CR1: variants seen among roughly 807,000 people sequenced by gnomAD.
CR1 encodes the protein complement receptor type 1.
A neutral mutation model predicts 187.3 loss-of-function variants in CR1; 116 were observed. The ratio of observed to expected loss-of-function variants is 0.62; its 90% confidence interval spans 0.53 to 0.72. The LOEUF (loss-of-function observed/expected upper bound fraction) is 0.72. Among genes scored for constraint, CR1 ranks in the 30% least tolerant of loss-of-function variants. The pLI is 0.00. For synonymous variants in CR1, 576 were observed against 747.1 expected (o/e 0.77, Z 3.73); for missense variants, 1,731 against 2,110.7 (o/e 0.82, Z 3.52).
chr1:207,628,030 T>A (rs1385462711), intron 45 of CR1, among the ~76,000 whole-genome samples: 1 of 152,226 alleles, frequency 6.6e-6, no homozygotes, highest in African/African-American at 2.4e-5. Flanking sequence ...AATTAGATCC[T>A]ATAAATTTTC....
At chr1:207,500,719 A>G (rs926775341) in intron 1 of CR1, among the ~76,000 whole-genome samples, 4 of 152,242 alleles carry the variant, frequency 2.6e-5, no homozygotes, top group African/African-American at 7.2e-5. Context: ...ATAGTTCAAC[A>G]GATTCTTAAA....
intron 28 of CR1, 42 bp downstream of exon 28, chr1:207,575,722 C>A: frequency 4.3e-6 from 7 of 1,610,678 alleles, no homozygotes; most frequent in Non-Finnish European, 5.1e-6. Flanking sequence ...ACCATTGAAT[C>A]CTAGAGTTGT....
intron 27 of CR1, among the ~76,000 whole-genome samples, chr1:207,575,137 A>C (rs1660700479): frequency 6.6e-6 from 1 of 152,152 alleles, no homozygotes; most frequent in South Asian, 2.1e-4. Context: ...TCTCTTAGAC[A>C]AGATCAAAAG....
chr1:207,585,522 AAGTTGCCTGGTCCTTC>A (rs922774705), intron 33 of CR1, among the ~76,000 whole-genome samples: 2 of 152,216 alleles, frequency 1.3e-5, no homozygotes, highest in African/African-American at 4.8e-5. Flanking sequence ...GGAGGGGAAG[AAGTTGCCTGGTCCTTC>A]AGGGCAAACA....
chr1:207,506,308 G>A (rs975987605), intron 2 of CR1, among the ~76,000 whole-genome samples: 1 of 152,170 alleles, frequency 6.6e-6, no homozygotes, highest in African/African-American at 2.4e-5. Context: ...ACATGATTGA[G>A]GGAAAATCCC....
intron 1 of CR1, among the ~76,000 whole-genome samples, chr1:207,504,506 A>G (rs374183160): frequency 7.3e-6 from 1 of 137,314 alleles, no homozygotes; most frequent in Non-Finnish European, 1.5e-5. Context: ...ACAACTCATT[A>G]TCTAGTAAGA....
intron 2 of CR1, 80 bp downstream of exon 2, chr1:207,506,163 T>G (rs1652621494): frequency 6.6e-7 from 1 of 1,520,648 alleles, no homozygotes. Flanking sequence ...ATTTTGTAAC[T>G]GAGTTGCATA....
chr1:207,624,791 C>T (rs1432273747), intron 45 of CR1, among the ~76,000 whole-genome samples: 1 of 152,092 alleles, frequency 6.6e-6, no homozygotes, highest in Admixed American at 6.6e-5. Context: ...TAAAGTTTCT[C>T]ATTAAGTACC....
chr1:207,623,085 T>C lies in CR1; in HGVS notation c.7352+17T>C. ...CAGAAAAGGGTAAGTATAGCCATAT[T>C]ATCCCAAGAAATGTAAACTGTACTT... On this transcript the variant is annotated intron_variant, in intron 45 of 46. Transcript: ENST00000367049. 1.3e-6 allele frequency: 2 copies of C among 1,532,804 alleles called. No individual in the cohort carries two copies. Among genetic ancestry groups the C allele is most frequent in the Non-Finnish European group, 1.8e-6 (2 of 1,123,530 alleles). 95.0% of individuals were successfully genotyped at this position (1,532,804 alleles called of 1,614,324 possible).
At position 207,566,969 on chromosome 1, in the gene CR1, C is replaced by A. The variant is rs201125141; in HGVS notation, c.3953-855C>A. Among the ~76,000 whole-genome samples the A allele has an allele frequency of 1.5e-4, 22 of 150,398 alleles. No homozygotes were observed. The East Asian group carries it at 4.2e-3, about 29-fold the overall frequency. ...TTCTTGCTGTCTAAGAAATCCAGTG[C>A]TCCTTGAAGCAGTATGACAAGTGTC... On this transcript the variant is annotated intron_variant, in intron 24 of 46. Transcript: ENST00000367049.
intron 43 of CR1, 142 bp downstream of exon 43, chr1:207,620,207 C>G: frequency 3.7e-6 from 3 of 801,462 alleles, no homozygotes; most frequent in South Asian, 4.4e-5. Flanking sequence ...CCACCTATTC[C>G]AAAACTCCCA....
chr1:207,612,864 C>T (rs1314392208), intron 39 of CR1, among the ~76,000 whole-genome samples: 6 of 152,214 alleles, frequency 3.9e-5, no homozygotes. Context: ...CAGGGGTGCC[C>T]ATGACCCCAA....
In CR1 at chr1:207,609,529, G is replaced by C; in HGVS notation, c.6136G>C (p.Val2046Leu). The change falls in exon 37 of 47, where the codon GTT (valine) becomes CTT (leucine). Residue 2046 changes from valine (V) to leucine (L), a missense_variant. Coordinates refer to ENST00000367049, the MANE Select transcript of CR1 (RefSeq NM_000651.6). ...TACTAATAAATGCACAGCTCCAGAA[G>C]TTGAAAATGCAATTAGAGTACCAGG... ...ISTNKCTAPE[V>L]ENAIRVPGNR... 6.2e-7 allele frequency: 1 copy of C among 1,613,954 alleles called. No homozygotes were observed. Among genetic ancestry groups the C allele is most frequent in the Non-Finnish European group, 8.5e-7 (1 of 1,179,870 alleles).
chr1:207,573,332 C>G (rs1248879570), intron 27 of CR1, among the ~76,000 whole-genome samples: 4 of 152,190 alleles, frequency 2.6e-5, no homozygotes, highest in African/African-American at 7.2e-5. Flanking sequence ...GCCTCACAGA[C>G]CACAGCACCT....
chr1:207,605,382 G>A (rs1014878868), intron 35 of CR1, among the ~76,000 whole-genome samples: 1 of 149,048 alleles, frequency 6.7e-6, no homozygotes, highest in African/African-American at 2.4e-5. Flanking sequence ...AAACAAATAT[G>A]AGAGGTGACG....
chr1:207,512,005 G>A (rs1185047116), intron 4 of CR1, among the ~76,000 whole-genome samples: 2 of 152,226 alleles, frequency 1.3e-5, no homozygotes, highest in Non-Finnish European at 2.9e-5. Context: ...TTCAAGGTTA[G>A]CGAAGCTGTG....
rs201657287 is a variant in CR1 at position 207,611,936 on chromosome 1, T to C, written c.6473-3T>C. On this transcript the variant is annotated splice_polypyrimidine_tract_variant and splice_region_variant and intron_variant, in intron 38 of 46. Transcript: ENST00000367049. ...ACTCCTGTTGTTTTATTTTTTCTTC[T>C]AGTGAAATCCTGTGATGACTTCCTG... The C allele has an allele frequency of 4.3e-6, 7 of 1,613,992 alleles. No individual in the cohort carries two copies. The South Asian group carries it at 5.5e-5, about 13-fold the overall frequency.
intron 45 of CR1, among the ~76,000 whole-genome samples, chr1:207,623,298 T>C (rs1662370925): frequency 6.6e-6 from 1 of 152,024 alleles, no homozygotes; most frequent in African/African-American, 2.4e-5. Context: ...AAAAGACCAT[T>C]TGGCCAGGTA....
intron 36 of CR1, 59 bp from the exon 37 acceptor site, chr1:207,609,230 AT>A (rs1661837113): frequency 1.7e-5 from 24 of 1,388,104 alleles, no homozygotes; most frequent in Non-Finnish European, 2.2e-5. Context: ...ATTTAAATTC[AT>A]AGTAAAATAA....
Sources: gnomAD v4.1 joint callset for allele counts (sites outside exome capture counted in the v4.1 genomes callset) on GRCh38, gnomAD v4.1.1 for gene constraint, MANE v1.5 for transcripts, NCBI Gene and HGNC (gene_info 2026-07-23, HGNC 2026-07-21) for gene names.